The following ZDHHC2 variants were observed in gnomAD, a reference collection of about 807,000 sequenced individuals.
ZDHHC2 encodes zDHHC palmitoyltransferase 2, also known as palmitoyltransferase ZDHHC2.
In ZDHHC2, 51 loss-of-function variants were observed where a neutral mutation model predicts 55.6. The ratio of observed to expected loss-of-function variants is 0.92; its 90% CI spans 0.73 to 1.16. The LOEUF is 1.16. Among genes scored for constraint, ZDHHC2 ranks in the 50% most tolerant of loss-of-function variants. The probability of loss-of-function intolerance (pLI) is 0.00; values close to 1 mark genes in which losing one functional copy is unlikely to be tolerated. For synonymous variants in ZDHHC2, 199 were observed against 152.9 expected (o/e 1.30, Z -2.22); for missense variants, 491 against 442.4 (o/e 1.11, Z -0.99).
Position 17,168,658 on chromosome 8 carries a change from T to G in ZDHHC2, c.130+11805T>G, listed in dbSNP as rs553414344. On this transcript the variant is annotated intron_variant, in intron 1 of 12. Coordinates refer to ENST00000262096, the MANE Select transcript of ZDHHC2 (RefSeq NM_016353.5). The stretch of plus-strand genomic sequence containing the variant: ...TTTAACACTAACCCTCATTCTTCCC[T>G]CCCCCACCCTCTGGCAGCCACCATT... 9.9e-5 allele frequency among the ~76,000 whole-genome samples: 15 copies of G among 151,954 alleles called. No homozygotes were observed. In the East Asian group the frequency reaches 2.9e-3, roughly 30 times the overall value.
chr8:17,195,626 T>C lies in ZDHHC2; in HGVS notation c.373+2T>C. 1.9e-6 allele frequency: 3 copies of C among 1,613,608 alleles called. No individual in the cohort carries two copies. Among genetic ancestry groups the C allele is most frequent in the Non-Finnish European group, 2.5e-6 (3 of 1,179,654 alleles). On this transcript the variant is annotated splice_donor_variant, in intron 4 of 12. Coordinates refer to ENST00000262096, the MANE Select transcript of ZDHHC2 (RefSeq NM_016353.5). LOFTEE classifies it high-confidence loss of function. ...TCTATACCAGGACCATGTCTGGAGG[T>C]AAATGTTGATAATGAGTGCTTTGCA...
intron 1 of ZDHHC2, among the ~76,000 whole-genome samples, chr8:17,178,217 G>T (rs1025668677): frequency 6.6e-6 from 1 of 152,114 alleles, no homozygotes; most frequent in African/African-American, 2.4e-5. Context: ...ATTTAGGACA[G>T]TAACACTTTA....
chr8:17,184,509 A>G (rs1237756543), intron 1 of ZDHHC2, among the ~76,000 whole-genome samples: 1 of 152,244 alleles, frequency 6.6e-6, no homozygotes, highest in African/African-American at 2.4e-5. Flanking sequence ...TGATACAGAA[A>G]TAAGACCCGC....
intron 8 of ZDHHC2, among the ~76,000 whole-genome samples, chr8:17,209,249 A>T (rs1320409307): frequency 6.6e-6 from 1 of 152,184 alleles, no homozygotes; most frequent in Non-Finnish European, 1.5e-5. Flanking sequence ...TCTGGACTGG[A>T]TCCCGGTTTG....
intron 3 of ZDHHC2, among the ~76,000 whole-genome samples, chr8:17,190,434 G>C (rs779173737): frequency 1.3e-5 from 2 of 152,056 alleles, no homozygotes; most frequent in African/African-American, 2.4e-5. Context: ...TTTATAAAAC[G>C]CAAGGTCTTG....
rs1362814883 is a variant in ZDHHC2 at position 17,224,628 on chromosome 8, T to C, written c.*4407T>C. 1 of 151,696 alleles carries C rather than the reference T, an allele frequency of 6.6e-6. No homozygotes were observed. The highest frequency in any genetic ancestry group is 1.5e-5 in the Non-Finnish European group (1 of 67,706). The allele number at this position is 151,696 out of a possible 1,614,324, so 9.4% of individuals were successfully genotyped here. A position where few individuals can be genotyped will look rare whatever the true frequency, so the allele number is the denominator to read the frequency against. The stretch of plus-strand genomic sequence containing the variant: ...AAACGCATAATGCTTCAAGGTAAAA[T>C]TCCGTTGATTCTGAATTTAAAAAGA... On this transcript the variant is annotated 3_prime_UTR_variant, in exon 13 of 13. Transcript: ENST00000262096.
chr8:17,221,434 T>C lies in ZDHHC2; in HGVS notation c.*1213T>C, dbSNP rs1807914192. The C allele has an allele frequency of 6.6e-6, 1 of 152,540 alleles. No homozygotes were observed. The highest frequency in any genetic ancestry group is 2.1e-4 in the South Asian group (1 of 4,830). 9.4% of individuals were successfully genotyped at this position (152,540 alleles called of 1,614,324 possible). A position where few individuals can be genotyped will look rare whatever the true frequency, so the allele number is the denominator to read the frequency against. On this transcript the variant is annotated 3_prime_UTR_variant, in exon 13 of 13. Coordinates refer to ENST00000262096, the MANE Select transcript of ZDHHC2 (RefSeq NM_016353.5). ...GAGTCCAGTATAATTCATGTAAATG[T>C]TAACAATTAGAATAATACTCTGTAT...
intron 2 of ZDHHC2, among the ~76,000 whole-genome samples, chr8:17,185,911 C>G (rs1805682292): frequency 6.6e-6 from 1 of 152,198 alleles, no homozygotes. Flanking sequence ...AACAGCTTCT[C>G]AAATAGGAAC....
Position 17,220,722 on chromosome 8 carries a change from C to T in ZDHHC2, c.*501C>T, listed in dbSNP as rs2150954665. 6.6e-6 allele frequency: 1 copy of T among 151,964 alleles called. No individual in the cohort carries two copies. The highest frequency in any genetic ancestry group is 1.5e-5 in the Non-Finnish European group (1 of 67,956). The allele number at this position is 151,964 out of a possible 1,614,324, so 9.4% of individuals were successfully genotyped here. On this transcript the variant is annotated 3_prime_UTR_variant, in exon 13 of 13. Transcript: ENST00000262096. ...GCAAACCATACTTCTTTTTTTTCCT[C>T]TGATGTGAATCCAGCCTCAGACTGA...
intron 10 of ZDHHC2, among the ~76,000 whole-genome samples, chr8:17,211,429 A>C (rs768607925): frequency 6.6e-6 from 1 of 152,008 alleles, no homozygotes; most frequent in Non-Finnish European, 1.5e-5. Context: ...CATAAACCTC[A>C]AGGCAGTGTT....
chr8:17,172,836 C>G (rs1409673322), intron 1 of ZDHHC2, among the ~76,000 whole-genome samples: 1 of 152,176 alleles, frequency 6.6e-6, no homozygotes, highest in African/African-American at 2.4e-5. Context: ...CTTACTCTTT[C>G]TAGTATCACC....
intron 1 of ZDHHC2, among the ~76,000 whole-genome samples, chr8:17,183,048 C>T (rs910655576): frequency 6.6e-6 from 1 of 152,238 alleles, no homozygotes; most frequent in Non-Finnish European, 1.5e-5. Flanking sequence ...AGGTGTGAGC[C>T]ACCGTGCCCA....
At chr8:17,188,230 C>G (rs370922974) in intron 3 of ZDHHC2, among the ~76,000 whole-genome samples, 1 of 152,142 alleles carries the variant, frequency 6.6e-6, no homozygotes, top group South Asian at 2.1e-4. Context: ...CCTTTCCTTC[C>G]CAGAACCCCA....
At chr8:17,172,039 G>A (rs961712723) in intron 1 of ZDHHC2, among the ~76,000 whole-genome samples, 3 of 151,852 alleles carry the variant, frequency 2.0e-5, no homozygotes, top group African/African-American at 7.3e-5. Flanking sequence ...AACTATATCC[G>A]CAGTTCCCAG....
intron 11 of ZDHHC2, among the ~76,000 whole-genome samples, chr8:17,216,580 T>C (rs1807661442): frequency 1.3e-5 from 2 of 152,116 alleles, no homozygotes; most frequent in Non-Finnish European, 2.9e-5. Flanking sequence ...TAGTTGGGGG[T>C]CAATTGTTGA....
At chr8:17,187,080 G>T (rs893764777) in intron 3 of ZDHHC2, among the ~76,000 whole-genome samples, 1 of 152,206 alleles carries the variant, frequency 6.6e-6, no homozygotes, top group South Asian at 2.1e-4. Flanking sequence ...TTAGAAGTTG[G>T]TTATATGGCC....
chr8:17,198,252 A>G (rs1290124318), intron 5 of ZDHHC2, 129 bp from the exon 6 acceptor site: 2 of 755,398 alleles, frequency 2.6e-6, no homozygotes, highest in Non-Finnish European at 4.0e-6. Context: ...CAATTTTTAG[A>G]TAAGTAAATA....
At chr8:17,184,896 A>C in intron 2 of ZDHHC2, 81 bp downstream of exon 2, 1 of 1,282,388 alleles carries the variant, frequency 7.8e-7, no homozygotes, top group Non-Finnish European at 1.1e-6. Flanking sequence ...GGTTGGGATT[A>C]ATAAATTGTT....
rs149654468 is a variant in ZDHHC2, at chr8:17,177,450, T to C, written c.131-7339T>C. On this transcript the variant is annotated intron_variant, in intron 1 of 12. Transcript: ENST00000262096. ...ATTGTAAAGATATTAAAGCATAAAGTATTTTTGTCATAATCTTTTGAATGT... is the reference window on the plus strand; with the variant it reads ...ATTGTAAAGATATTAAAGCATAAAGCATTTTTGTCATAATCTTTTGAATGT... 7.9e-5 allele frequency among the ~76,000 whole-genome samples: 12 copies of C among 152,356 alleles called. No individual in the cohort carries two copies. The East Asian group carries it at 2.3e-3, about 29-fold the overall frequency.
Sources: allele counts gnomAD v4.1 joint callset (sites outside exome capture counted in the v4.1 genomes callset), GRCh38; gene constraint gnomAD v4.1.1; transcripts MANE v1.5; gene names NCBI Gene and HGNC (gene_info 2026-07-23, HGNC 2026-07-21).